The following KDM4B variants were observed in gnomAD, a reference collection of about 807,000 sequenced individuals.
KDM4B encodes the protein lysine-specific demethylase 4B.
A neutral mutation model predicts 125.2 loss-of-function variants in KDM4B; 32 were observed. The ratio of observed to expected loss-of-function variants is 0.26; its 90% confidence interval spans 0.19 to 0.34. KDM4B has a LOEUF of 0.34. KDM4B is among the 10% of genes least tolerant of loss of function. The probability of loss-of-function intolerance (pLI) is 1.00; values close to 1 mark genes in which losing one functional copy is unlikely to be tolerated. For missense variants in KDM4B, 1,190 were observed against 1,577.7 expected (o/e 0.75, Z 4.16); for synonymous variants, 721 against 677.9 (o/e 1.06, Z -0.99).
At chr19:5,131,002 G>A (rs2039532489) in intron 11 of KDM4B, 74 bp from the exon 12 acceptor site, 5 of 1,141,820 alleles carry the variant, frequency 4.4e-6, no homozygotes, top group African/African-American at 3.1e-5. Context: ...CAAAGTTGGG[G>A]GATTTCTGGG....
In KDM4B at chr19:5,151,823, T is replaced by C. The variant is rs1380774016; in HGVS notation, c.*312T>C. The stretch of plus-strand genomic sequence containing the variant: ...ATGCCCTACTGAGCAACCTTTGAGA[T>C]TGTCACTTCTGTACATAAACCACCT... On this transcript the variant is annotated 3_prime_UTR_variant, in exon 23 of 23. Transcript: ENST00000159111. 8 of 310,936 alleles carry C rather than the reference T, an allele frequency of 2.6e-5. No homozygotes were observed. In the East Asian group the frequency reaches 4.0e-4, roughly 16 times the overall value. 19.3% of individuals were successfully genotyped at this position (310,936 alleles called of 1,614,324 possible).
In KDM4B at chr19:5,081,857, A is replaced by G. The variant is rs2038305685; in HGVS notation, c.781-510A>G. Among the ~76,000 whole-genome samples the G allele has an allele frequency of 6.6e-6, 1 of 152,162 alleles. No individual in the cohort carries two copies. Among genetic ancestry groups the G allele is most frequent in the African/African-American group, 2.4e-5 (1 of 41,436 alleles). ...GGCAGAAGGTGTCCTGAGCGCGTGC[A>G]GTGTCTTGTCTTCAGAGCACTCTAA... On this transcript the variant is annotated intron_variant, in intron 8 of 22. Coordinates refer to ENST00000159111, the MANE Select transcript of KDM4B (RefSeq NM_015015.3). This position sits in a 1 kb window ranked among gnomAD's most constrained non-coding sequence, Gnocchi z 4.2.
At chr19:4,992,914 A>G (rs1410050824) in intron 1 of KDM4B, among the ~76,000 whole-genome samples, 1 of 152,114 alleles carries the variant, frequency 6.6e-6, no homozygotes, top group Non-Finnish European at 1.5e-5. Flanking sequence ...TCTAATTTCC[A>G]TTGTGGTTGG....
intron 1 of KDM4B, among the ~76,000 whole-genome samples, chr19:5,012,780 G>A (rs926948358): frequency 3.9e-5 from 6 of 152,242 alleles, no homozygotes; most frequent in Non-Finnish European, 8.8e-5. Context: ...GAGCCGTGTG[G>A]CTGTTGCTGC....
intron 5 of KDM4B, among the ~76,000 whole-genome samples, chr19:5,043,550 T>TG (rs397963047): frequency 2.1e-5 from 3 of 141,682 alleles, no homozygotes; most frequent in African/African-American, 8.3e-5. Context: ...TTTATCGGAG[T>TG]GGGGTGTCCA....
chr19:5,006,012 G>A lies in KDM4B; in HGVS notation c.-108-10245G>A, dbSNP rs371114056. 2.7e-4 allele frequency among the ~76,000 whole-genome samples: 41 copies of A among 152,314 alleles called. No homozygotes were observed. In the South Asian group the frequency reaches 7.7e-3, roughly 28 times the overall value. On this transcript the variant is annotated intron_variant, in intron 1 of 22. Transcript: ENST00000159111. ...GCCTCCATCACCTGATCTGGGGGCT[G>A]TGGGGGTCCTGGGAGAGGGCTCATG...
intron 10 of KDM4B, among the ~76,000 whole-genome samples, chr19:5,116,954 G>A (rs1320191151): frequency 6.6e-6 from 1 of 152,150 alleles, no homozygotes; most frequent in Non-Finnish European, 1.5e-5. Context: ...ACGCGAAGGG[G>A]GATGAAGATG....
Position 4,971,131 on chromosome 19 carries a change from A to C in KDM4B, c.-109+1901A>C, listed in dbSNP as rs1056251162. Among the ~76,000 whole-genome samples the C allele has an allele frequency of 6.6e-6, 1 of 152,202 alleles. No homozygotes were observed. Among genetic ancestry groups the C allele is most frequent in the African/African-American group, 2.4e-5 (1 of 41,442 alleles). On this transcript the variant is annotated intron_variant, in intron 1 of 22. Coordinates refer to ENST00000159111, the MANE Select transcript of KDM4B (RefSeq NM_015015.3). The surrounding 1 kb of genome is among the most constrained non-coding windows in gnomAD (Gnocchi z 4.1). Reference sequence around the variant, plus strand: ...CCTGAAATATATATGTCTTAGTAACAATCCGTTTGCTCGCATTTTCTAACC... The same window carrying C: ...CCTGAAATATATATGTCTTAGTAACCATCCGTTTGCTCGCATTTTCTAACC...
In KDM4B at chr19:5,112,124, G is replaced by A. The variant is rs562062405; in HGVS notation, c.1115+1306G>A. 8.2e-4 allele frequency: 288 copies of A among 350,118 alleles called. 6 individuals carry two copies. Among genetic ancestry groups the A allele is most frequent in the South Asian group, 7.8e-3 (238 of 30,656 alleles). 21.7% of individuals were successfully genotyped at this position (350,118 alleles called of 1,614,324 possible). A position where few individuals can be genotyped will look rare whatever the true frequency, so the allele number is the denominator to read the frequency against. The stretch of plus-strand genomic sequence containing the variant: ...AAAAATCAGCTGGGTGTGGTGGTGT[G>A]CGCCTGTGGTCCCAACTACTGAGAA... On this transcript the variant is annotated intron_variant, in intron 10 of 22. Transcript: ENST00000159111.
intron 5 of KDM4B, chr19:5,046,869 CACA>C (rs970125714): frequency 6.6e-6 from 1 of 152,496 alleles, no homozygotes; most frequent in African/African-American, 2.4e-5. Context: ...CTGCAGGCTT[CACA>C]ACAAGGCCTC....
intron 1 of KDM4B, among the ~76,000 whole-genome samples, chr19:4,996,938 A>G (rs1477029712): frequency 1.3e-5 from 2 of 152,144 alleles, no homozygotes; most frequent in East Asian, 3.9e-4. Context: ...ACTGCATGCC[A>G]GGAGCACCCC....
At chr19:5,143,935 C>T in intron 18 of KDM4B, 32 bp from the exon 19 acceptor site, 2 of 1,533,232 alleles carry the variant, frequency 1.3e-6, no homozygotes, top group Non-Finnish European at 1.8e-6. Flanking sequence ...GAAGCTCGAG[C>T]CCCATGCCCC....
intron 11 of KDM4B, among the ~76,000 whole-genome samples, chr19:5,125,917 A>C (rs2039441385): frequency 6.6e-6 from 1 of 152,132 alleles, no homozygotes; most frequent in African/African-American, 2.4e-5. Flanking sequence ...TCTGGACGAG[A>C]GGTTTATCTC....
At chr19:5,103,931 C>T (rs961761102) in intron 9 of KDM4B, among the ~76,000 whole-genome samples, 1 of 152,230 alleles carries the variant, frequency 6.6e-6, no homozygotes, top group Non-Finnish European at 1.5e-5. Flanking sequence ...AGAACCAGGG[C>T]AGGCCAGCCA....
At chr19:5,149,029 C>T (rs764192995) in intron 21 of KDM4B, among the ~76,000 whole-genome samples, 31 of 152,346 alleles carry the variant, frequency 2.0e-4, no homozygotes, top group African/African-American at 4.6e-4. Context: ...CTTCTCCCGC[C>T]GCCTGCGCCG....
At chr19:5,105,878 G>A (rs148337721) in intron 9 of KDM4B, among the ~76,000 whole-genome samples, 90 of 152,342 alleles carry the variant, frequency 5.9e-4, no homozygotes, top group African/African-American at 2.0e-3. Context: ...CTGGCTATGT[G>A]CCAATAAAAC....
chr19:4,985,010 T>C (rs1406665939), intron 1 of KDM4B, among the ~76,000 whole-genome samples: 3 of 152,148 alleles, frequency 2.0e-5, no homozygotes, highest in African/African-American at 7.2e-5. Flanking sequence ...GAAAAATAAT[T>C]TATTTTATGG....
At chr19:5,145,834 G>C (rs1369952059) in intron 21 of KDM4B, among the ~76,000 whole-genome samples, 1 of 152,162 alleles carries the variant, frequency 6.6e-6, no homozygotes, top group Admixed American at 6.5e-5. Context: ...AGTCGGTGAC[G>C]TCCTGGCCTT....
intron 6 of KDM4B, among the ~76,000 whole-genome samples, chr19:5,058,344 C>T (rs1319792717): frequency 6.6e-6 from 1 of 152,204 alleles, no homozygotes; most frequent in Non-Finnish European, 1.5e-5. Context: ...CACGCGCAAC[C>T]CCCAGAGCAG....
Sources: gnomAD v4.1 joint callset for allele counts (sites outside exome capture counted in the v4.1 genomes callset) on GRCh38, gnomAD v4.1.1 for gene constraint, Gnocchi (gnomAD v3.1) non-coding constraint, MANE v1.5 for transcripts, NCBI Gene and HGNC (gene_info 2026-07-23, HGNC 2026-07-21) for gene names.